Variants in PTCSC3 observed in about 807,000 individuals in gnomAD.
The protein encoded by PTCSC3 is papillary thyroid carcinoma susceptibility candidate 3.
intron 1 of PTCSC3, among the ~76,000 whole-genome samples, chr14:36,164,825 G>T (rs890011829): frequency 6.6e-6 from 1 of 152,074 alleles, no homozygotes; most frequent in Non-Finnish European, 1.5e-5. Context: ...AACAGAAAAT[G>T]ATATCTTTAT....
intron 3 of PTCSC3, among the ~76,000 whole-genome samples, chr14:36,152,407 A>G (rs896963881): frequency 5.9e-5 from 9 of 152,118 alleles, no homozygotes; most frequent in African/African-American, 1.4e-4. Context: ...GTGTGCTACA[A>G]TTGCACTTGT....
intron 1 of PTCSC3, among the ~76,000 whole-genome samples, chr14:36,167,032 C>T (rs1163854766): frequency 6.6e-6 from 1 of 152,206 alleles, no homozygotes; most frequent in East Asian, 1.9e-4. Context: ...CATAATCTTT[C>T]TCTCTCTGGG....
intron 1 of PTCSC3, among the ~76,000 whole-genome samples, chr14:36,175,148 G>A (rs778414641): frequency 2.6e-5 from 4 of 152,072 alleles, no homozygotes; most frequent in African/African-American, 7.2e-5. Context: ...TACCCTGAAC[G>A]CTGATGTCTG....
intron 3 of PTCSC3, among the ~76,000 whole-genome samples, chr14:36,152,515 T>C (rs141585139): frequency 1.8e-4 from 27 of 152,026 alleles, no homozygotes; most frequent in African/African-American, 6.0e-4. Context: ...GGTAAAGATA[T>C]TCACAATACA....
chr14:36,153,573 G>A (rs950387415), intron 3 of PTCSC3, among the ~76,000 whole-genome samples: 1 of 152,082 alleles, frequency 6.6e-6, no homozygotes, highest in Non-Finnish European at 1.5e-5. Flanking sequence ...ATCTGTTAAC[G>A]CTAAAACATG....
chr14:36,139,158 A>C (rs1881362645), intron 3 of PTCSC3, among the ~76,000 whole-genome samples: 1 of 151,636 alleles, frequency 6.6e-6, no homozygotes, highest in Non-Finnish European at 1.5e-5. Flanking sequence ...ATATATGTCC[A>C]TACAAAGACT....
chr14:36,161,926 G>A (rs563667721), intron 2 of PTCSC3, among the ~76,000 whole-genome samples: 2 of 152,320 alleles, frequency 1.3e-5, no homozygotes, highest in East Asian at 3.9e-4. Context: ...GAAATCTGGA[G>A]ACGCAGTCTG....
At chr14:36,138,622 A>C (rs1194377279) in intron 3 of PTCSC3, among the ~76,000 whole-genome samples, 1 of 152,230 alleles carries the variant, frequency 6.6e-6, no homozygotes, top group Non-Finnish European at 1.5e-5. Flanking sequence ...TGCAAATTAA[A>C]CTACCACTAC....
rs141419951 is a variant in PTCSC3 at position 36,136,403 on chromosome 14, T to G, written n.323-47A>C. 3 of 152,274 alleles carry G rather than the reference T, an allele frequency of 2.0e-5. No homozygotes were observed. In the South Asian group the frequency reaches 6.2e-4, roughly 32 times the overall value. The allele number at this position is 152,274 out of a possible 1,614,324, so 9.4% of individuals were successfully genotyped here. On this transcript the variant is annotated intron_variant and non_coding_transcript_variant, in intron 3 of 3. Transcript: ENST00000556013. Reference sequence around the variant, plus strand: ...AGGATTAACCATTAGACATTTAATTTTGGTGGTGTTTTAAATTTTCTATTT... The same window carrying G: ...AGGATTAACCATTAGACATTTAATTGTGGTGGTGTTTTAAATTTTCTATTT...
At chr14:36,148,837 T>C (rs1881655627) in intron 3 of PTCSC3, among the ~76,000 whole-genome samples, 1 of 152,194 alleles carries the variant, frequency 6.6e-6, no homozygotes, top group Admixed American at 6.5e-5. Flanking sequence ...GTCTTTATTA[T>C]CCTTTTATTG....
At chr14:36,149,203 T>A (rs1169744989) in intron 3 of PTCSC3, among the ~76,000 whole-genome samples, 11 of 152,172 alleles carry the variant, frequency 7.2e-5, no homozygotes, top group Admixed American at 7.2e-4. Flanking sequence ...ATTTTTATTT[T>A]CATTTATTTT....
At chr14:36,147,460 C>T (rs1334549867) in intron 3 of PTCSC3, among the ~76,000 whole-genome samples, 1 of 152,178 alleles carries the variant, frequency 6.6e-6, no homozygotes, top group Non-Finnish European at 1.5e-5. Flanking sequence ...CGCATCGGCT[C>T]CTGAGGCTTC....
chr14:36,160,872 G>C (rs1234469834), intron 2 of PTCSC3, among the ~76,000 whole-genome samples: 1 of 152,132 alleles, frequency 6.6e-6, no homozygotes, highest in African/African-American at 2.4e-5. Context: ...ATCAGACATA[G>C]ATTTGGTCTT....
intron 2 of PTCSC3, among the ~76,000 whole-genome samples, chr14:36,162,258 G>GAAAAAA (rs58223160): frequency 0.011 from 1,153 of 106,410 alleles, 29 homozygotes; most frequent in Middle Eastern, 0.015. Flanking sequence ...CTGGGGTATG[G>GAAAAAA]AAAAAAAAAA....
chr14:36,159,020 G>C (rs1041593222), intron 2 of PTCSC3, among the ~76,000 whole-genome samples: 1 of 151,650 alleles, frequency 6.6e-6, no homozygotes, highest in African/African-American at 2.4e-5. Context: ...ATTTCTTCTA[G>C]ATTTTCTAGT....
intron 2 of PTCSC3, among the ~76,000 whole-genome samples, chr14:36,157,761 G>C (rs1156725162): frequency 6.6e-6 from 1 of 152,098 alleles, no homozygotes; most frequent in Non-Finnish European, 1.5e-5. Flanking sequence ...GGTTCCGTAT[G>C]AAATTTAAAG....
At chr14:36,164,682 C>A (rs995741445) in intron 1 of PTCSC3, among the ~76,000 whole-genome samples, 1 of 152,146 alleles carries the variant, frequency 6.6e-6, no homozygotes, top group African/African-American at 2.4e-5. Context: ...CTGGATACTA[C>A]AACCTGTACA....
chr14:36,145,836 C>T (rs1172605302), intron 3 of PTCSC3, among the ~76,000 whole-genome samples: 3,201 of 147,396 alleles, frequency 0.022, 26 homozygotes, highest in African/African-American at 0.072. Context: ...GCTTTGAATG[C>T]GTCCCAGAGA....
intron 3 of PTCSC3, among the ~76,000 whole-genome samples, chr14:36,141,791 T>C (rs1380606195): frequency 2.0e-5 from 3 of 152,248 alleles, no homozygotes; most frequent in Non-Finnish European, 4.4e-5. Flanking sequence ...TTTTGGGTGC[T>C]TTTGGTGCTA....
Sources: allele counts gnomAD v4.1 joint callset (sites outside exome capture counted in the v4.1 genomes callset), GRCh38; gene constraint gnomAD v4.1.1; transcripts MANE v1.5; gene names NCBI Gene and HGNC (gene_info 2026-07-23, HGNC 2026-07-21).